The following BORA variants were observed in gnomAD, a reference collection of about 807,000 sequenced individuals.
BORA encodes the protein BORA aurora kinase A activator.
In BORA, 26 loss-of-function variants were observed where a neutral mutation model predicts 55.8. The ratio of observed to expected loss-of-function variants is 0.47; its 90% CI spans 0.34 to 0.65. The LOEUF (loss-of-function observed/expected upper bound fraction) is 0.65, where lower values mean the gene tolerates loss of function less well. Among genes scored for constraint, BORA ranks in the 30% least tolerant of loss-of-function variants. The pLI is 0.01. For missense variants in BORA, 568 were observed against 671.5 expected (o/e 0.85, Z 1.70); for synonymous variants, 201 against 216.9 (o/e 0.93, Z 0.64).
rs537515748 is a variant in BORA, at chr13:72,740,297, A to G, written c.388+2254A>G. Among the ~76,000 whole-genome samples, 14 of 152,246 alleles carry G rather than the reference A, an allele frequency of 9.2e-5. No homozygotes were observed. In the South Asian group the frequency reaches 2.9e-3, roughly 32 times the overall value. On this transcript the variant is annotated intron_variant, in intron 5 of 11. Transcript: ENST00000390667. Reference sequence around the variant, plus strand: ...TCATGCTGCCTGCTGTGCTGAAAATAATAAAGTCCTTTATCTCTGCCCCCA... The same window carrying G: ...TCATGCTGCCTGCTGTGCTGAAAATGATAAAGTCCTTTATCTCTGCCCCCA...
intron 3 of BORA, among the ~76,000 whole-genome samples, chr13:72,734,124 A>G (rs1232348183): frequency 2.0e-5 from 3 of 152,188 alleles, no homozygotes; most frequent in African/African-American, 7.2e-5. Flanking sequence ...ATGATTAAAT[A>G]ATCTGTACAA....
At chr13:72,729,514 T>A (rs1485811069) in intron 2 of BORA, among the ~76,000 whole-genome samples, 1 of 152,210 alleles carries the variant, frequency 6.6e-6, no homozygotes, top group African/African-American at 2.4e-5. Context: ...CACAAATCCT[T>A]AAGGAGGTTA....
At chr13:72,747,735 G>A (rs1393889936) in intron 10 of BORA, among the ~76,000 whole-genome samples, 2 of 152,022 alleles carry the variant, frequency 1.3e-5, no homozygotes, top group Non-Finnish European at 2.9e-5. Flanking sequence ...ATTTAGCTAT[G>A]TTGGCCAGGC....
Position 72,747,067 on chromosome 13 carries a change from C to G in BORA, c.1438C>G (p.Leu480Val). 6.2e-7 allele frequency: 1 copy of G among 1,614,042 alleles called. No individual in the cohort carries two copies. The highest frequency in any genetic ancestry group is 8.5e-7 in the Non-Finnish European group (1 of 1,179,964). ...AAACTCTCATATGTGCATGTCACCT[C>G]TTGCTGAAAGCAGTGTCATTCCTTG... Reference protein sequence around the residue: ...IENSHMCMSPLAESSVIPCES... With the variant: ...IENSHMCMSPVAESSVIPCES... Residue 480 changes from leucine to valine, a missense_variant, in exon 10 of 12, where the codon CTT becomes GTT. Transcript: ENST00000390667.
At chr13:72,749,309 A>G (rs117287297) in intron 10 of BORA, among the ~76,000 whole-genome samples, 2,335 of 152,156 alleles carry the variant, frequency 0.015, 31 homozygotes, top group Non-Finnish European at 0.025. Flanking sequence ...CTTTGTCTAC[A>G]GGGTTCTGAA....
chr13:72,729,380 G>C (rs1279464274), intron 2 of BORA, among the ~76,000 whole-genome samples: 1 of 152,114 alleles, frequency 6.6e-6, no homozygotes, highest in Non-Finnish European at 1.5e-5. Context: ...TAATACATTA[G>C]AGAAGAAGCT....
At chr13:72,749,080 G>T (rs2033210997) in intron 10 of BORA, among the ~76,000 whole-genome samples, 1 of 126,692 alleles carries the variant, frequency 7.9e-6, no homozygotes, top group South Asian at 2.9e-4. Flanking sequence ...CTGCCACATG[G>T]TTAGCTTTCT....
chr13:72,735,851 C>T (rs979879943), intron 4 of BORA, among the ~76,000 whole-genome samples: 39 of 152,188 alleles, frequency 2.6e-4, no homozygotes, highest in African/African-American at 7.7e-4. Context: ...TCAGATGATC[C>T]GCCTACCTTG....
At chr13:72,747,322 A>C (rs1015619925) in intron 10 of BORA, among the ~76,000 whole-genome samples, 5 of 152,092 alleles carry the variant, frequency 3.3e-5, no homozygotes, top group Non-Finnish European at 5.9e-5. Flanking sequence ...ACATTAACTG[A>C]TATTTGTATG....
At position 72,743,545 on chromosome 13, in the gene BORA, A is replaced by T. The variant is rs755726759; in HGVS notation, c.397A>T (p.Ile133Leu). 17 of 1,609,764 alleles carry T rather than the reference A, an allele frequency of 1.1e-5. No homozygotes were observed. The highest frequency in any genetic ancestry group is 1.4e-5 in the Non-Finnish European group (16 of 1,176,966). Reference protein sequence around the residue: ...SQCHSSKCTNINSDSPVGKKL... With the variant: ...SQCHSSKCTNLNSDSPVGKKL... ...CTTAAAATGTCTTACAGGCACTAAC[A>T]TAAATAGTGACTCTCCAGTTGGAAA... The change falls in exon 6 of 12, where the codon ATA (isoleucine) becomes TTA (leucine). Residue 133 changes from isoleucine (I) to leucine (L), a missense_variant. By Grantham distance (5) the Ile-to-Leu change is conservative. Coordinates refer to ENST00000390667, the MANE Select transcript of BORA (RefSeq NM_024808.5).
Position 72,746,648 on chromosome 13 carries a change from G to T in BORA, c.1019G>T (p.Gly340Val). The change falls in exon 10 of 12, where the codon GGT becomes GTT. Residue 340 changes from glycine to valine, a missense_variant. By Grantham distance (109) the Gly-to-Val change is moderately radical. Transcript: ENST00000390667. ...WSPMRLQMYS[G>V]GTQYRTSVIQ... ...CCTATGAGACTTCAGATGTATAGTG[G>T]TGGTACTCAGTATCGGACCTCAGTG... 1 of 1,614,108 alleles carries T rather than the reference G, an allele frequency of 6.2e-7. No individual in the cohort carries two copies. Among genetic ancestry groups the T allele is most frequent in the Non-Finnish European group, 8.5e-7 (1 of 1,179,994 alleles).
intron 10 of BORA, among the ~76,000 whole-genome samples, chr13:72,749,991 G>C (rs569426220): frequency 2.0e-5 from 3 of 152,112 alleles, no homozygotes; most frequent in Non-Finnish European, 4.4e-5. Flanking sequence ...AACCCGTCAC[G>C]TAATAGCCGC....
chr13:72,734,844 C>G lies in BORA; in HGVS notation c.261-116C>G, dbSNP rs1015380203. 4.7e-5 allele frequency: 32 copies of G among 686,892 alleles called. No individual in the cohort carries two copies. In the African/African-American group the frequency reaches 5.5e-4, roughly 12 times the overall value. 42.5% of individuals were successfully genotyped at this position (686,892 alleles called of 1,614,324 possible). Reference sequence around the variant, plus strand: ...CCACTAGTATTAATTATAAAGTGAGCTTAACATTTGCCAGTTTTCAATGAA... The same window carrying G: ...CCACTAGTATTAATTATAAAGTGAGGTTAACATTTGCCAGTTTTCAATGAA... On this transcript the variant is annotated intron_variant, in intron 3 of 11. Transcript: ENST00000390667.
chr13:72,743,510 G>C, intron 5 of BORA, 27 bp from the exon 6 acceptor site: 1 of 1,548,740 alleles, frequency 6.5e-7, no homozygotes, highest in Non-Finnish European at 8.8e-7. Flanking sequence ...ATAAAACATA[G>C]GATTTTTCAC....
At chr13:72,737,704 A>G (rs2032956019) in intron 4 of BORA, among the ~76,000 whole-genome samples, 1 of 152,142 alleles carries the variant, frequency 6.6e-6, no homozygotes, top group Non-Finnish European at 1.5e-5. Context: ...AAGAAATTTA[A>G]AATACTTTGT....
chr13:72,734,565 A>AT (rs1291022644), intron 3 of BORA, among the ~76,000 whole-genome samples: 2 of 152,232 alleles, frequency 1.3e-5, no homozygotes, highest in African/African-American at 4.8e-5. Context: ...TATTGCCATG[A>AT]TAAACTTGTT....
chr13:72,733,212 T>A (rs1453768072), intron 3 of BORA, among the ~76,000 whole-genome samples: 1 of 152,256 alleles, frequency 6.6e-6, no homozygotes, highest in African/African-American at 2.4e-5. Flanking sequence ...TATCTCTTCT[T>A]ACATATTAGC....
intron 5 of BORA, among the ~76,000 whole-genome samples, chr13:72,742,433 T>A (rs1297201767): frequency 6.6e-6 from 1 of 152,108 alleles, no homozygotes; most frequent in African/African-American, 2.4e-5. Context: ...AAAGAAACTA[T>A]ATGGTTTTAT....
rs201840170 is a variant in BORA at position 72,746,626 on chromosome 13, A to G, written c.997A>G (p.Met333Val). ...CTCGCCAATTAAAAATTGGTCTCCT[A>G]TGAGACTTCAGATGTATAGTGGTGG... ...GCSPIKNWSP[M>V]RLQMYSGGTQ... The change falls in exon 10 of 12, where the codon ATG (methionine) becomes GTG (valine). Residue 333 changes from methionine (M) to valine (V), a missense_variant. Transcript: ENST00000390667. 250 of 1,614,038 alleles carry G rather than the reference A, an allele frequency of 1.5e-4. No homozygotes were observed. Among genetic ancestry groups the G allele is most frequent in the Non-Finnish European group, 2.0e-4 (239 of 1,180,018 alleles).
Sources: allele counts gnomAD v4.1 joint callset (sites outside exome capture counted in the v4.1 genomes callset), GRCh38; gene constraint gnomAD v4.1.1; transcripts MANE v1.5; gene names NCBI Gene and HGNC (gene_info 2026-07-23, HGNC 2026-07-21).